Variants in PRKN observed in about 807,000 individuals in gnomAD.
PRKN encodes the protein E3 ubiquitin-protein ligase parkin.
PRKN carries 56 observed loss-of-function variants against 59.5 expected under a neutral mutation model. The observed-to-expected ratio is 0.94, with a 90% CI of 0.76 to 1.18. The LOEUF (loss-of-function observed/expected upper bound fraction) is 1.18, where lower values mean the gene tolerates loss of function less well. Among genes scored for constraint, PRKN ranks in the 50% most tolerant of loss-of-function variants. PRKN has a pLI of 0.00. For missense variants in PRKN, 657 were observed against 596.4 expected, an observed-to-expected ratio of 1.10 and a Z score of -1.06; for synonymous variants, 250 against 222.1, an observed-to-expected ratio of 1.13 and a Z score of -1.12.
intron 6 of PRKN, among the ~76,000 whole-genome samples, chr6:161,857,249 G>A (rs1468555902): frequency 6.6e-6 from 1 of 152,124 alleles, no homozygotes; most frequent in Non-Finnish European, 1.5e-5. Flanking sequence ...AAGAATCAGA[G>A]AGTAAGTGTT....
intron 2 of PRKN, among the ~76,000 whole-genome samples, chr6:162,288,645 C>T (rs1412428879): frequency 1.3e-5 from 2 of 152,132 alleles, no homozygotes; most frequent in African/African-American, 4.8e-5. Context: ...GGAGCCCTCA[C>T]CGAGGCCCCC....
rs1780634975 is a variant in PRKN at position 161,566,156 on chromosome 6, T to A, written c.933+3199A>T. The stretch of plus-strand genomic sequence containing the variant: ...CAGCTAAGTTCCCAGTTGCCAAAAT[T>A]AAAATGTATGTATTTGCAGTCTCCC... On this transcript the variant is annotated intron_variant, in intron 8 of 11. Transcript: ENST00000366898. The surrounding 1 kb of genome is among the most constrained non-coding windows in gnomAD (Gnocchi z 4.1). 6.6e-6 allele frequency among the ~76,000 whole-genome samples: 1 copy of A among 152,168 alleles called. No homozygotes were observed. Among genetic ancestry groups the A allele is most frequent in the Non-Finnish European group, 1.5e-5 (1 of 68,040 alleles).
chr6:161,834,914 T>C (rs1792681481), intron 6 of PRKN, among the ~76,000 whole-genome samples: 2 of 152,130 alleles, frequency 1.3e-5, no homozygotes, highest in African/African-American at 4.8e-5. Flanking sequence ...AGCTACGTGA[T>C]GACTGAACAT....
At chr6:162,216,538 A>AAG in intron 3 of PRKN, among the ~76,000 whole-genome samples, 1 of 125,032 alleles carries the variant, frequency 8.0e-6, no homozygotes, top group Admixed American at 7.4e-5. Flanking sequence ...CTCCGTCTCA[A>AAG]AAAAAAAAAA....
At chr6:162,259,198 G>C (rs370367283) in intron 3 of PRKN, among the ~76,000 whole-genome samples, 1 of 152,156 alleles carries the variant, frequency 6.6e-6, no homozygotes, top group Admixed American at 6.6e-5. Flanking sequence ...TGTGAAGTAC[G>C]TAAAGAGGAA....
At chr6:161,818,272 T>C (rs1264130735) in intron 6 of PRKN, among the ~76,000 whole-genome samples, 1 of 151,928 alleles carries the variant, frequency 6.6e-6, no homozygotes, top group Non-Finnish European at 1.5e-5. Flanking sequence ...CCTACTATCC[T>C]GAGGTCAAGA....
At chr6:162,114,558 T>C (rs1301283483) in intron 4 of PRKN, among the ~76,000 whole-genome samples, 2 of 152,238 alleles carry the variant, frequency 1.3e-5, no homozygotes, top group Non-Finnish European at 2.9e-5. Context: ...TTTTTGTACA[T>C]TGATTTTGTA....
intron 4 of PRKN, among the ~76,000 whole-genome samples, chr6:162,114,914 A>G (rs1158677302): frequency 2.6e-5 from 4 of 151,964 alleles, no homozygotes; most frequent in Non-Finnish European, 5.9e-5. Context: ...AAACTAGTTC[A>G]ACCATTGTGG....
intron 7 of PRKN, among the ~76,000 whole-genome samples, chr6:161,757,351 T>G (rs1788969926): frequency 6.6e-6 from 1 of 152,300 alleles, no homozygotes; most frequent in East Asian, 1.9e-4. Flanking sequence ...AATACTTGCA[T>G]GTAGAATATA....
At chr6:162,349,422 G>A (rs765550924) in intron 2 of PRKN, among the ~76,000 whole-genome samples, 10 of 152,082 alleles carry the variant, frequency 6.6e-5, no homozygotes, top group South Asian at 4.1e-4. Flanking sequence ...AGCTGAGATC[G>A]CGCCACTGCA....
At chr6:162,366,283 AT>A (rs367917848) in intron 2 of PRKN, among the ~76,000 whole-genome samples, 4 of 152,084 alleles carry the variant, frequency 2.6e-5, no homozygotes, top group African/African-American at 9.7e-5. Context: ...ATCTTTTGGG[AT>A]TACAGAATGT....
chr6:162,090,684 T>C (rs1779452708), intron 4 of PRKN, among the ~76,000 whole-genome samples: 1 of 152,156 alleles, frequency 6.6e-6, no homozygotes, highest in African/African-American at 2.4e-5. Flanking sequence ...TAAAGAGCCG[T>C]GATAACTTTG....
intron 7 of PRKN, among the ~76,000 whole-genome samples, chr6:161,748,303 G>A (rs73783390): frequency 0.03 from 4,507 of 151,296 alleles, 242 homozygotes; most frequent in African/African-American, 0.1. Flanking sequence ...AAGGAGACAC[G>A]TCTTTTTTTT....
chr6:162,564,123 G>A (rs187856421), intron 1 of PRKN, among the ~76,000 whole-genome samples: 2 of 152,044 alleles, frequency 1.3e-5, no homozygotes, highest in African/African-American at 4.8e-5. Flanking sequence ...GAGGTGGGTG[G>A]ATCACAGAGT....
At chr6:162,309,753 A>C (rs1170758131) in intron 2 of PRKN, among the ~76,000 whole-genome samples, 2 of 152,180 alleles carry the variant, frequency 1.3e-5, no homozygotes, top group South Asian at 4.1e-4. Context: ...TGTGCATGTT[A>C]GTTACATAAG....
chr6:162,085,264 C>T (rs1779207037), intron 4 of PRKN, among the ~76,000 whole-genome samples: 2 of 151,456 alleles, frequency 1.3e-5, no homozygotes, highest in Admixed American at 6.6e-5. Context: ...ATTACCCCTA[C>T]CCCTAAAAAC....
intron 3 of PRKN, among the ~76,000 whole-genome samples, chr6:162,223,612 GAC>G (rs34881644): frequency 0.16 from 20,584 of 129,076 alleles, 1,660 homozygotes; most frequent in Admixed American, 0.22. Context: ...ATAGACACGT[GAC>G]ACACACACAC....
At chr6:162,338,166 A>C (rs1233420918) in intron 2 of PRKN, among the ~76,000 whole-genome samples, 5 of 152,162 alleles carry the variant, frequency 3.3e-5, no homozygotes, top group South Asian at 2.1e-4. Flanking sequence ...CAGGAGAGAC[A>C]AATGTACAAT....
intron 4 of PRKN, among the ~76,000 whole-genome samples, chr6:162,075,021 C>T (rs1045790033): frequency 3.9e-5 from 6 of 152,132 alleles, no homozygotes; most frequent in Admixed American, 6.5e-5. Context: ...GCACTCTTAA[C>T]GGATTTAATT....
Sources: gnomAD v4.1 joint callset for allele counts (sites outside exome capture counted in the v4.1 genomes callset) on GRCh38, gnomAD v4.1.1 for gene constraint, Gnocchi (gnomAD v3.1) non-coding constraint, MANE v1.5 for transcripts, NCBI Gene and HGNC (gene_info 2026-07-23, HGNC 2026-07-21) for gene names.